ZNF280C: variants seen among roughly 807,000 people sequenced by gnomAD.
The protein encoded by ZNF280C is zinc finger protein 280C, also known as suppressor of hairy wing homolog 3.
Under a neutral mutation model 53.6 loss-of-function variants are expected in ZNF280C, and 14 were observed. That is an observed-to-expected ratio of 0.26 (90% CI 0.17 to 0.41). ZNF280C has a LOEUF of 0.41. Ranked by LOEUF, ZNF280C falls within the 10% of genes least tolerant of loss-of-function variation. The probability of loss-of-function intolerance (pLI) is 1.00; values close to 1 mark genes in which losing one functional copy is unlikely to be tolerated. For missense variants in ZNF280C, 416 were observed against 547.1 expected (o/e 0.76, Z 2.39); for synonymous variants, 203 against 181.1 (o/e 1.12, Z -0.97).
In ZNF280C at chrX:130,205,117, C is replaced by G. The variant is rs2031957780; in HGVS notation, c.2198G>C (p.Gly733Ala). 2.5e-6 allele frequency: 3 copies of G among 1,195,174 alleles called. No homozygotes were observed. Among genetic ancestry groups the G allele is most frequent in the Non-Finnish European group, 3.4e-6 (3 of 889,193 alleles). Residue 733 changes from glycine to alanine, a missense_variant and splice_region_variant, in exon 18 of 19, where the codon GGC becomes GCC. Physicochemically the swap from Gly to Ala is moderately conservative, Grantham distance 60. Transcript: ENST00000370978. ...KSTSTSEPTT[G>A]CSLK ...TGCACTGAAGGAAAATTAAACTTAC[C>G]CAGTAGTGGGTTCAGAAGTTGAGGT...
At chrX:130,263,227 CAT>C (rs1318052615) in intron 1 of ZNF280C, among the ~76,000 whole-genome samples, 1 of 112,392 alleles carries the variant, frequency 8.9e-6, no homozygotes, top group East Asian at 2.8e-4. Flanking sequence ...CAATTGAAAA[CAT>C]ATGTCCACAC....
chrX:130,224,566 G>A (rs2032201316), intron 12 of ZNF280C, among the ~76,000 whole-genome samples: 1 of 111,546 alleles, frequency 9.0e-6, no homozygotes, highest in Non-Finnish European at 1.9e-5. Context: ...AAAGGAAAAT[G>A]GTGTACTGGA....
intron 18 of ZNF280C, 22 bp from the exon 19 acceptor site, chrX:130,205,014 ACTTT>A: frequency 9.8e-7 from 1 of 1,018,596 alleles, no homozygotes; most frequent in Non-Finnish European, 1.3e-6. Context: ...AAAAAAAAAA[ACTTT>A]AATATTTTTC....
chrX:130,235,841 C>T (rs192815054), intron 8 of ZNF280C, among the ~76,000 whole-genome samples: 59 of 111,918 alleles, frequency 5.3e-4, no homozygotes, highest in Non-Finnish European at 9.8e-4. Flanking sequence ...TCTTCTCCTA[C>T]CCCTCCACAC....
At chrX:130,223,824 CAT>C (rs1185200903) in intron 12 of ZNF280C, among the ~76,000 whole-genome samples, 1 of 111,743 alleles carries the variant, frequency 8.9e-6, no homozygotes, top group East Asian at 2.8e-4. Flanking sequence ...TAAAATAAAC[CAT>C]AGAGTCAATA....
intron 1 of ZNF280C, among the ~76,000 whole-genome samples, chrX:130,264,316 C>T (rs1022724146): frequency 2.7e-5 from 3 of 111,485 alleles, no homozygotes; most frequent in African/African-American, 9.8e-5. Context: ...GTTTAATCTA[C>T]TTTGAGCTAG....
chrX:130,256,438 G>A (rs918552030), intron 2 of ZNF280C, among the ~76,000 whole-genome samples: 15 of 111,557 alleles, frequency 1.3e-4, no homozygotes, highest in African/African-American at 4.2e-4. Flanking sequence ...CCATGGGGCC[G>A]GGCGCGGTGG....
intron 2 of ZNF280C, among the ~76,000 whole-genome samples, chrX:130,254,766 A>T (rs1465809614): frequency 9.9e-5 from 11 of 110,982 alleles, no homozygotes; most frequent in Admixed American, 5.8e-4. Flanking sequence ...TTGAGGGTGG[A>T]GGGTGGGAGG....
chrX:130,226,609 T>C, intron 12 of ZNF280C, 150 bp downstream of exon 12: 1 of 451,469 alleles, frequency 2.2e-6, no homozygotes, highest in Non-Finnish European at 3.4e-6. Context: ...ATTAATTGTG[T>C]CATTCAGAAC....
intron 15 of ZNF280C, among the ~76,000 whole-genome samples, chrX:130,214,064 T>C (rs2032073180): frequency 1.8e-5 from 2 of 111,813 alleles, no homozygotes; most frequent in African/African-American, 6.5e-5. Context: ...CCTCTTAAAG[T>C]GTTGGGATCA....
chrX:130,243,740 T>G (rs1327975871), intron 4 of ZNF280C, 41 bp from the exon 5 acceptor site: 1 of 1,170,794 alleles, frequency 8.5e-7, no homozygotes, highest in Admixed American at 2.3e-5. Flanking sequence ...TATATTTCTA[T>G]ACAACCAATT....
At chrX:130,229,285 C>G (rs2083750520) in intron 9 of ZNF280C, 151 bp from the exon 10 acceptor site, 1 of 449,066 alleles carries the variant, frequency 2.2e-6, no homozygotes, top group Admixed American at 4.6e-5. Flanking sequence ...AAAGTGTGTA[C>G]TTTAAATAAT....
chrX:130,248,801 T>G (rs62602138), intron 2 of ZNF280C, among the ~76,000 whole-genome samples: 5,802 of 111,914 alleles, frequency 0.052, 161 homozygotes, highest in Admixed American at 0.083. Context: ...ACCTGCTCAT[T>G]CTCCCCACTC....
In ZNF280C at chrX:130,243,589, C is replaced by A; in HGVS notation, c.355G>T (p.Val119Phe). ...GGTTTAGACGCATTCTCAACAGTAA[C>A]AGAGCTTTGTGAAGATTTAGATACA... is the stretch of plus-strand genomic sequence containing the variant. The part of the protein sequence containing the change: ...HLVSKSSQSS[V>F]TVENASKPDF... The change falls in exon 5 of 19, where the codon GTT becomes TTT. Residue 119 changes from valine to phenylalanine, a missense_variant. Val to Phe is a conservative substitution (Grantham distance 50). This residue lies in a region of ZNF280C where 193 missense variants were observed against 201.4 expected (regional missense o/e 0.96). Coordinates refer to ENST00000370978, the MANE Select transcript of ZNF280C (RefSeq NM_017666.5). 1.7e-6 allele frequency: 2 copies of A among 1,210,520 alleles called. No individual in the cohort carries two copies. The highest frequency in any genetic ancestry group is 3.5e-5 in the South Asian group (2 of 56,760).
intron 1 of ZNF280C, among the ~76,000 whole-genome samples, chrX:130,262,904 G>A (rs1225075588): frequency 8.9e-6 from 1 of 112,063 alleles, no homozygotes; most frequent in Admixed American, 9.5e-5. Context: ...ATTCAACTAT[G>A]TTTTACAAGA....
At position 130,223,615 on chromosome X, in the gene ZNF280C, G is replaced by A. The variant is rs935191585; in HGVS notation, c.1396-3135C>T. On this transcript the variant is annotated intron_variant, in intron 12 of 18. Transcript: ENST00000370978. ...GATAATGCATGTAAAAGCACCAGTG[G>A]CTGTCAAATGGTAAGTGATTATTAT... 8.0e-5 allele frequency among the ~76,000 whole-genome samples: 9 copies of A among 112,050 alleles called. No individual in the cohort carries two copies. In the Middle Eastern group the frequency reaches 0.014, roughly 173 times the overall value.
At chrX:130,250,712 C>A (rs1190658455) in intron 2 of ZNF280C, among the ~76,000 whole-genome samples, 2 of 112,183 alleles carry the variant, frequency 1.8e-5, no homozygotes, top group Non-Finnish European at 3.8e-5. Flanking sequence ...CAAAGAAGAG[C>A]TGGTACTATT....
intron 1 of ZNF280C, among the ~76,000 whole-genome samples, chrX:130,264,885 A>G (rs918651046): frequency 9.0e-6 from 1 of 111,716 alleles, no homozygotes; most frequent in African/African-American, 3.2e-5. Context: ...TGTTTTTCTT[A>G]TAACAAGAAT....
Position 130,204,750 on chromosome X carries a change from GC to G in ZNF280C, c.*226del, listed in dbSNP as rs1236003159. The G allele has an allele frequency of 1.0e-5, 3 of 292,781 alleles. No homozygotes were observed. The highest frequency in any genetic ancestry group is 2.8e-5 in the African/African-American group (1 of 35,892). The allele number at this position is 292,781 out of a possible 1,213,427, so 24.1% of individuals were successfully genotyped here. A position where few individuals can be genotyped will look rare whatever the true frequency, so the allele number is the denominator to read the frequency against. On this transcript the variant is annotated 3_prime_UTR_variant, in exon 19 of 19. Transcript: ENST00000370978. ...AAAACAAAAGGCATTTTTGGAGAGA[GC>G]CAACTGGAGAAAAAAATATGTTAAG...
Sources: gnomAD v4.1 joint callset for allele counts (sites outside exome capture counted in the v4.1 genomes callset) on GRCh38, gnomAD v4.1.1 for gene constraint, gnomAD v4.1.1 regional missense constraint, MANE v1.5 for transcripts, NCBI Gene and HGNC (gene_info 2026-07-23, HGNC 2026-07-21) for gene names.